NUP62: variants seen among roughly 807,000 people sequenced by gnomAD.
NUP62 encodes nucleoporin 62.
For synonymous variants in NUP62, 305 were observed against 303.4 expected, an observed-to-expected ratio of 1.01 and a Z score of -0.05; for missense variants, 647 against 689.4, an observed-to-expected ratio of 0.94 and a Z score of 0.69.
chr19:49,924,624 T>A (rs945798909), intron 2 of NUP62, among the ~76,000 whole-genome samples: 1 of 152,122 alleles, frequency 6.6e-6, no homozygotes, highest in Non-Finnish European at 1.5e-5. Context: ...GGCCAGGACA[T>A]GAGTCCTGAA....
In NUP62 at chr19:49,909,753, C is replaced by T. The variant is rs2075415142; in HGVS notation, c.55G>A (p.Gly19Ser). ...GTGGTTGTTGCCGTCTTTGCAGTGC[C>T]AAACGTGAACCCGCCTGTAGGGGCC... ...TGAPTGGFTFGTAKTATTTPA... is the reference protein window; with the variant it reads ...TGAPTGGFTFSTAKTATTTPA... Residue 19 changes from glycine to serine, a missense_variant, in exon 3 of 3, where the codon GGC becomes AGC. Gly to Ser is a moderately conservative substitution (Grantham distance 56). Coordinates refer to ENST00000352066, the MANE Select transcript of NUP62 (RefSeq NM_016553.5). 1 of 1,613,994 alleles carries T rather than the reference C, an allele frequency of 6.2e-7. No individual in the cohort carries two copies. The highest frequency in any genetic ancestry group is 8.5e-7 in the Non-Finnish European group (1 of 1,180,036).
chr19:49,908,921 G>A lies in NUP62; in HGVS notation c.887C>T (p.Pro296Leu), dbSNP rs1453527951. ...STTGFALNLK[P>L]LAPAGIPSNT... The stretch of plus-strand genomic sequence containing the variant: ...GCTGGGGATCCCGGCTGGCGCCAGT[G>A]GTTTTAAATTCAAGGCAAAGCCGGT... Residue 296 changes from proline (P) to leucine (L), a missense_variant, in exon 3 of 3, where the codon CCA becomes CTA. Physicochemically the swap from Pro to Leu is moderately conservative, Grantham distance 98. Coordinates refer to ENST00000352066, the MANE Select transcript of NUP62 (RefSeq NM_016553.5). 7 of 1,607,938 alleles carry A rather than the reference G, an allele frequency of 4.4e-6. No individual in the cohort carries two copies. The highest frequency in any genetic ancestry group is 3.3e-5 in the Admixed American group (2 of 59,824).
chr19:49,915,197 A>G (rs1041950502), intron 2 of NUP62, among the ~76,000 whole-genome samples: 1 of 152,004 alleles, frequency 6.6e-6, no homozygotes, highest in African/African-American at 2.4e-5. Flanking sequence ...ACATGCCCAC[A>G]CTCTGATCCA....
Position 49,909,392 on chromosome 19 carries a change from C to G in NUP62, c.416G>C (p.Gly139Ala). ...GGTGGTGGAGGGGCCAAACACAAAGCCGGTGGGTGCTGTGCCCTGGCTGGA... is the reference window on the plus strand; with the variant it reads ...GGTGGTGGAGGGGCCAAACACAAAGGCGGTGGGTGCTGTGCCCTGGCTGGA... ...VTSSQGTAPT[G>A]FVFGPSTTSV... Residue 139 changes from glycine (G) to alanine (A), a missense_variant, in exon 3 of 3, where the codon GGC becomes GCC. Physicochemically the swap from Gly to Ala is moderately conservative, Grantham distance 60 (BLOSUM62 0). Transcript: ENST00000352066. The G allele has an allele frequency of 6.2e-7, 1 of 1,613,762 alleles. No individual in the cohort carries two copies. Among genetic ancestry groups the G allele is most frequent in the East Asian group, 2.2e-5 (1 of 44,882 alleles).
chr19:49,922,166 T>A (rs951183125), intron 2 of NUP62, among the ~76,000 whole-genome samples: 2 of 152,168 alleles, frequency 1.3e-5, no homozygotes, highest in African/African-American at 2.4e-5. Context: ...AGGCTCTAGG[T>A]CAAATAGATG....
chr19:49,911,312 G>C (rs1053324488), intron 2 of NUP62: 3 of 152,208 alleles, frequency 2.0e-5, no homozygotes, highest in African/African-American at 7.2e-5. Flanking sequence ...GAGAAAGCCA[G>C]GAGCCAAGGA....
chr19:49,925,769 G>GTTGCCT (rs1306240438), intron 2 of NUP62, among the ~76,000 whole-genome samples: 2 of 152,198 alleles, frequency 1.3e-5, no homozygotes, highest in Non-Finnish European at 2.9e-5. Flanking sequence ...ACATACTGAT[G>GTTGCCT]TTGCCTTGGT....
Position 49,921,193 on chromosome 19 carries a change from T to C in NUP62, c.-78+6501A>G, listed in dbSNP as rs995168714. 6.6e-6 allele frequency among the ~76,000 whole-genome samples: 1 copy of C among 152,152 alleles called. No homozygotes were observed. Among genetic ancestry groups the C allele is most frequent in the Non-Finnish European group, 1.5e-5 (1 of 68,014 alleles). ...GCAATGTGACGAAGCGAAACTATCA[T>C]GGCTCCCATTTATAAATGAGCAAAC... On this transcript the variant is annotated intron_variant, in intron 2 of 2. Coordinates refer to ENST00000352066, the MANE Select transcript of NUP62 (RefSeq NM_016553.5). This position sits in a 1 kb window ranked among gnomAD's most constrained non-coding sequence, Gnocchi z 5.4.
At position 49,907,681 on chromosome 19, in the gene NUP62, G is replaced by A. The variant is rs2075354851; in HGVS notation, c.*558C>T. 2 of 361,872 alleles carry A rather than the reference G, an allele frequency of 5.5e-6. No homozygotes were observed. The highest frequency in any genetic ancestry group is 2.1e-5 in the South Asian group (1 of 46,612). The allele number at this position is 361,872 out of a possible 1,614,324, so 22.4% of individuals were successfully genotyped here. ...CCGAGTAGCTGAGATTGAGATCACAGGCGTCCACCACACCTGACTAATTTT... is the reference window on the plus strand; with the variant it reads ...CCGAGTAGCTGAGATTGAGATCACAAGCGTCCACCACACCTGACTAATTTT... On this transcript the variant is annotated 3_prime_UTR_variant, in exon 3 of 3. Coordinates refer to ENST00000352066, the MANE Select transcript of NUP62 (RefSeq NM_016553.5).
intron 2 of NUP62, among the ~76,000 whole-genome samples, chr19:49,917,329 G>A (rs2075650845): frequency 2.0e-5 from 3 of 152,330 alleles, no homozygotes; most frequent in Non-Finnish European, 2.9e-5. Flanking sequence ...GGGATTCTCC[G>A]TCTGCAAACT....
intron 2 of NUP62, among the ~76,000 whole-genome samples, chr19:49,915,201 T>C (rs1249785427): frequency 1.3e-5 from 2 of 152,164 alleles, no homozygotes; most frequent in Non-Finnish European, 2.9e-5. Flanking sequence ...GCCCACACTC[T>C]GATCCAGGAC....
intron 2 of NUP62, among the ~76,000 whole-genome samples, chr19:49,923,965 C>T (rs1224351793): frequency 2.0e-5 from 3 of 152,220 alleles, no homozygotes; most frequent in Admixed American, 6.5e-5. Flanking sequence ...ATGCAAAACT[C>T]GGAGCCTTTT....
rs986097884 is a variant in NUP62 at position 49,907,825 on chromosome 19, T to C, written c.*414A>G. On this transcript the variant is annotated 3_prime_UTR_variant, in exon 3 of 3. Transcript: ENST00000352066. ...TGCTGAGATTACAGGGGTGAGCCAC[T>C]GCGCCCTGACTTGGAGGTTCTCTTA... 17 of 333,272 alleles carry C rather than the reference T, an allele frequency of 5.1e-5. No homozygotes were observed. The highest frequency in any genetic ancestry group is 3.3e-4 in the African/African-American group (15 of 46,094). The allele number at this position is 333,272 out of a possible 1,614,324, so 20.6% of individuals were successfully genotyped here. A position where few individuals can be genotyped will look rare whatever the true frequency, so the allele number is the denominator to read the frequency against.
chr19:49,922,165 G>A (rs1568719857), intron 2 of NUP62, among the ~76,000 whole-genome samples: 1 of 152,212 alleles, frequency 6.6e-6, no homozygotes, highest in South Asian at 2.1e-4. Context: ...CAGGCTCTAG[G>A]TCAAATAGAT....
chr19:49,917,732 T>C (rs1005471374), intron 2 of NUP62: 1 of 152,180 alleles, frequency 6.6e-6, no homozygotes, highest in African/African-American at 2.4e-5. Context: ...CCAACCCCAT[T>C]GGTAGAAAAC....
At position 49,908,871 on chromosome 19, in the gene NUP62, G is replaced by C. The variant is rs756113021; in HGVS notation, c.937C>G (p.Pro313Ala). 2.5e-6 allele frequency: 4 copies of C among 1,611,132 alleles called. No homozygotes were observed. The highest frequency in any genetic ancestry group is 3.4e-6 in the Non-Finnish European group (4 of 1,179,788). Reference sequence around the variant, plus strand: ...CCTGCAGCTGCGCCAGGGCCAGGTGGAGCGGTCACGGCAGCTGCTGTATTG... The same window carrying C: ...CCTGCAGCTGCGCCAGGGCCAGGTGCAGCGGTCACGGCAGCTGCTGTATTG... ...PSNTAAAVTA[P>A]PGPGAAAGAA... Residue 313 changes from proline (P) to alanine (A), a missense_variant, in exon 3 of 3, where the codon CCA becomes GCA. Physicochemically the swap from Pro to Ala is conservative, Grantham distance 27 (BLOSUM62 -1). Coordinates refer to ENST00000352066, the MANE Select transcript of NUP62 (RefSeq NM_016553.5).
At chr19:49,914,884 C>T (rs1174209003) in intron 2 of NUP62, among the ~76,000 whole-genome samples, 2 of 151,592 alleles carry the variant, frequency 1.3e-5, no homozygotes, top group African/African-American at 4.8e-5. Context: ...GGATTACAGG[C>T]GTGCACCACC....
chr19:49,919,698 A>C (rs1041827817), intron 2 of NUP62, among the ~76,000 whole-genome samples: 3 of 152,136 alleles, frequency 2.0e-5, no homozygotes, highest in African/African-American at 7.2e-5. Context: ...ACCAACAGCA[A>C]TTTTCCCCAC....
Position 49,909,680 on chromosome 19 carries a change from T to C in NUP62, c.128A>G (p.Asn43Ser). The C allele has an allele frequency of 6.2e-7, 1 of 1,614,058 alleles. No homozygotes were observed. The highest frequency in any genetic ancestry group is 1.3e-5 in the African/African-American group (1 of 75,000). ...GGCTGGTTGGAAGGGAGCCCCAAAA[T>C]TAAACCCTCCAGTGCCAGAGGTGGA... Reference protein sequence around the residue: ...SFSTSGTGGFNFGAPFQPATS... With the variant: ...SFSTSGTGGFSFGAPFQPATS... Residue 43 changes from asparagine (N) to serine (S), a missense_variant, in exon 3 of 3, where the codon AAT (asparagine) becomes AGT (serine). By Grantham distance (46) the Asn-to-Ser change is conservative (BLOSUM62 1). Transcript: ENST00000352066.
Sources: allele counts gnomAD v4.1 joint callset (sites outside exome capture counted in the v4.1 genomes callset), GRCh38; gene constraint gnomAD v4.1.1; non-coding constraint Gnocchi (gnomAD v3.1); transcripts MANE v1.5; gene names NCBI Gene and HGNC (gene_info 2026-07-23, HGNC 2026-07-21).